Variants in PCDHGA11 observed in about 807,000 individuals in gnomAD.
PCDHGA11 encodes the protein protocadherin gamma-A11.
A neutral mutation model predicts 60.4 loss-of-function variants in PCDHGA11; 39 were observed. The ratio of observed to expected loss-of-function variants is 0.65; its 90% CI spans 0.50 to 0.84. The LOEUF (loss-of-function observed/expected upper bound fraction) is 0.84. Among genes scored for constraint, PCDHGA11 ranks in the 40% least tolerant of loss-of-function variants. The pLI, the probability that PCDHGA11 is intolerant of heterozygous loss-of-function variation, is 0.00. For missense variants in PCDHGA11, 1,165 were observed against 1,197.7 expected (o/e 0.97, Z 0.40); for synonymous variants, 533 against 510.3 (o/e 1.04, Z -0.60).
intron 3 of PCDHGA11, among the ~76,000 whole-genome samples, chr5:141,509,004 G>A (rs2099873761): frequency 6.6e-6 from 1 of 152,072 alleles, no homozygotes; most frequent in South Asian, 2.1e-4. Context: ...AGGAGAGGAG[G>A]AAGTGGGCAG....
Position 141,422,088 on chromosome 5 carries a change from CA to C in PCDHGA11, c.863del (p.Lys288ArgfsTer48), listed in dbSNP as rs1235447839. ...TGTATTCATTTCGGAACATGGAAAG[CA>C]AGGCTTCTGAAATATTCCAATTGGA... ...VMYSFRNMES[K>X]ASEIFQLDSQ... On this transcript the variant is annotated frameshift_variant, in exon 1 of 4. Transcript: ENST00000398587. LOFTEE classifies it high-confidence loss of function. 2 of 1,611,912 alleles carry C rather than the reference CA, an allele frequency of 1.2e-6. No individual in the cohort carries two copies. The highest frequency in any genetic ancestry group is 1.7e-6 in the Non-Finnish European group (2 of 1,179,298).
Position 141,478,507 on chromosome 5 carries a change from T to C in PCDHGA11, c.2434-16300T>C, listed in dbSNP as rs781120326. The C allele has an allele frequency of 4.3e-6, 7 of 1,612,048 alleles. No homozygotes were observed. In the East Asian group the frequency reaches 1.3e-4, roughly 31 times the overall value. On this transcript the variant is annotated intron_variant, in intron 1 of 3. Transcript: ENST00000398587. The stretch of plus-strand genomic sequence containing the variant: ...TGCGGAGCTGTGATCCGGTGTTCTA[T>C]AGGCAGGTGTTGGGTGCAGAGAGCG...
intron 3 of PCDHGA11, among the ~76,000 whole-genome samples, chr5:141,508,579 G>A (rs569867127): frequency 6.6e-6 from 1 of 152,234 alleles, no homozygotes; most frequent in East Asian, 1.9e-4. Flanking sequence ...ACCCACTCGG[G>A]GTGCTACTCA....
chr5:141,471,972 T>C (rs952480654), intron 1 of PCDHGA11, among the ~76,000 whole-genome samples: 1 of 152,212 alleles, frequency 6.6e-6, no homozygotes, highest in South Asian at 2.1e-4. Context: ...GTTGCATTAC[T>C]GTATAAATTT....
intron 2 of PCDHGA11, among the ~76,000 whole-genome samples, chr5:141,499,868 A>G (rs2099794957): frequency 6.6e-6 from 1 of 152,024 alleles, no homozygotes; most frequent in Non-Finnish European, 1.5e-5. Context: ...TTGTATTTTC[A>G]GTACAAACAG....
Position 141,432,093 on chromosome 5 carries a change from C to G in PCDHGA11, c.2433+8433C>G. On this transcript the variant is annotated intron_variant, in intron 1 of 3. Coordinates refer to ENST00000398587, the MANE Select transcript of PCDHGA11 (RefSeq NM_018914.3). This position sits in a 1 kb window ranked among gnomAD's most constrained non-coding sequence, Gnocchi z 6.0. ...CATATCTCGCTGAACGTGGCAGACA[C>G]CAACGACAACCCGCCGGTCTTCCCT... 1 of 1,614,170 alleles carries G rather than the reference C, an allele frequency of 6.2e-7. No individual in the cohort carries two copies. The highest frequency in any genetic ancestry group is 8.5e-7 in the Non-Finnish European group (1 of 1,180,046).
chr5:141,485,601 G>T lies in PCDHGA11; in HGVS notation c.2434-9206G>T, dbSNP rs762783104. On this transcript the variant is annotated intron_variant, in intron 1 of 3. Transcript: ENST00000398587. The surrounding 1 kb of genome is among the most constrained non-coding windows in gnomAD (Gnocchi z 5.7). ...CGGCAGCAGCTGGACTTGGAAATTG[G>T]GGAGGCAGCTCCTCCAGGACAGCGT... The T allele has an allele frequency of 3.1e-6, 5 of 1,612,290 alleles. No individual in the cohort carries two copies. Among genetic ancestry groups the T allele is most frequent in the Non-Finnish European group, 4.2e-6 (5 of 1,178,722 alleles).
rs778561065 is a variant in PCDHGA11, at chr5:141,423,102, C to A, written c.1875C>A (p.Gly625=). The A allele has an allele frequency of 1.2e-6, 2 of 1,613,802 alleles. No homozygotes were observed. The highest frequency in any genetic ancestry group is 1.7e-6 in the Non-Finnish European group (2 of 1,180,004). The change falls in exon 1 of 4, where the codon GGC becomes GGA. Residue 625 remains glycine (G), a synonymous_variant. Coordinates refer to ENST00000398587, the MANE Select transcript of PCDHGA11 (RefSeq NM_018914.3). ...PGLFAVGEHT[G]EVRTARALLD... is the part of the protein sequence containing the mutation. Reference sequence around the variant, plus strand: ...TCTTCGCGGTGGGGGAGCACACGGGCGAGGTGCGTACAGCGCGGGCACTGC... The same window carrying A: ...TCTTCGCGGTGGGGGAGCACACGGGAGAGGTGCGTACAGCGCGGGCACTGC...
At chr5:141,481,913 C>CAA (rs34114744) in intron 1 of PCDHGA11, among the ~76,000 whole-genome samples, 26 of 90,736 alleles carry the variant, frequency 2.9e-4, no homozygotes, top group Non-Finnish European at 3.5e-4. Context: ...AACTCCATCT[C>CAA]AAAAAAAAAA....
rs780541121 is a variant in PCDHGA11 at position 141,477,533 on chromosome 5, G to T, written c.2434-17274G>T. ...TTACATTGAAGAAAACAACCTCCCCGGGGCTCCAATACTAAACCTAAGTGT... is the reference window on the plus strand; with the variant it reads ...TTACATTGAAGAAAACAACCTCCCCTGGGCTCCAATACTAAACCTAAGTGT... On this transcript the variant is annotated intron_variant, in intron 1 of 3. Coordinates refer to ENST00000398587, the MANE Select transcript of PCDHGA11 (RefSeq NM_018914.3). This position sits in a 1 kb window ranked among gnomAD's most constrained non-coding sequence, Gnocchi z 4.9. 6.2e-7 allele frequency: 1 copy of T among 1,614,010 alleles called. No homozygotes were observed. The highest frequency in any genetic ancestry group is 1.1e-5 in the South Asian group (1 of 91,066).
At chr5:141,473,750 G>A (rs777343462) in intron 1 of PCDHGA11, among the ~76,000 whole-genome samples, 3 of 152,192 alleles carry the variant, frequency 2.0e-5, no homozygotes, top group Non-Finnish European at 4.4e-5. Context: ...TGAGAACTTG[G>A]ATACTATGCA....
At chr5:141,444,507 G>C (rs1213059531) in intron 1 of PCDHGA11, among the ~76,000 whole-genome samples, 1 of 152,068 alleles carries the variant, frequency 6.6e-6, no homozygotes, top group Non-Finnish European at 1.5e-5. Context: ...CTTTGCTCTA[G>C]CAGTATAGTA....
At chr5:141,499,272 GT>G (rs772636179) in intron 2 of PCDHGA11, among the ~76,000 whole-genome samples, 3 of 152,122 alleles carry the variant, frequency 2.0e-5, no homozygotes, top group Non-Finnish European at 4.4e-5. Flanking sequence ...TCCCTAGACT[GT>G]TCTCTGATGG....
Position 141,422,005 on chromosome 5 carries a change from A to G in PCDHGA11, c.778A>G (p.Thr260Ala), listed in dbSNP as rs2154549470. ...TGTTCCAGAAAACATCAGCTCCGGA[A>G]CTCGGGTGCTGATGGTTAATGCAAC... Reference protein sequence around the residue: ...VSVPENISSGTRVLMVNATDP... With the variant: ...VSVPENISSGARVLMVNATDP... The change falls in exon 1 of 4, where the codon ACT becomes GCT. Residue 260 changes from threonine to alanine, a missense_variant. Coordinates refer to ENST00000398587, the MANE Select transcript of PCDHGA11 (RefSeq NM_018914.3). 1 of 1,609,814 alleles carries G rather than the reference A, an allele frequency of 6.2e-7. No homozygotes were observed. The highest frequency in any genetic ancestry group is 1.7e-4 in the Middle Eastern group (1 of 6,026).
chr5:141,422,162 A>T lies in PCDHGA11; in HGVS notation c.935A>T (p.Lys312Ile). 6.4e-7 allele frequency: 1 copy of T among 1,571,230 alleles called. No individual in the cohort carries two copies. The highest frequency in any genetic ancestry group is 8.6e-7 in the Non-Finnish European group (1 of 1,164,112). Residue 312 changes from lysine to isoleucine, a missense_variant, in exon 1 of 4, where the codon AAA becomes ATA. Physicochemically the swap from Lys to Ile is moderately radical, Grantham distance 102. Transcript: ENST00000398587. ...GTACGGGGGTCTCTGGATTTTGAAAAATATAGATTCTATGAGATGGAAATT... is the reference window on the plus strand; with the variant it reads ...GTACGGGGGTCTCTGGATTTTGAAATATATAGATTCTATGAGATGGAAATT... ...VQVRGSLDFE[K>I]YRFYEMEIQG...
chr5:141,470,622 A>G (rs1323376824), intron 1 of PCDHGA11, among the ~76,000 whole-genome samples: 6 of 152,336 alleles, frequency 3.9e-5, no homozygotes, highest in Admixed American at 6.5e-5. Flanking sequence ...CTTCATGCTT[A>G]GATAGGCCCC....
chr5:141,423,865 T>G, intron 1 of PCDHGA11: 1 of 1,285,992 alleles, frequency 7.8e-7, no homozygotes, highest in Non-Finnish European at 9.9e-7. Flanking sequence ...TTTGTGAAAG[T>G]CATTTTTCAA....
rs768206517 is a variant in PCDHGA11 at position 141,432,482 on chromosome 5, G to C, written c.2433+8822G>C. 6.2e-7 allele frequency: 1 copy of C among 1,614,178 alleles called. No individual in the cohort carries two copies. Among genetic ancestry groups the C allele is most frequent in the South Asian group, 1.1e-5 (1 of 91,074 alleles). ...CCTCCCCACGGACGGTTCCACTGGC[G>C]TGGAGCTGGCTCCCCGCTCCGCAGA... On this transcript the variant is annotated intron_variant, in intron 1 of 3. Coordinates refer to ENST00000398587, the MANE Select transcript of PCDHGA11 (RefSeq NM_018914.3). The surrounding 1 kb of genome is among the most constrained non-coding windows in gnomAD (Gnocchi z 6.0).
At position 141,489,258 on chromosome 5, in the gene PCDHGA11, C is replaced by T. The variant is rs1594800449; in HGVS notation, c.2434-5549C>T. 3.2e-6 allele frequency: 5 copies of T among 1,551,530 alleles called. No individual in the cohort carries two copies. Among genetic ancestry groups the T allele is most frequent in the African/African-American group, 1.4e-5 (1 of 73,276 alleles). On this transcript the variant is annotated intron_variant, in intron 1 of 3. Coordinates refer to ENST00000398587, the MANE Select transcript of PCDHGA11 (RefSeq NM_018914.3). This position sits in a 1 kb window ranked among gnomAD's most constrained non-coding sequence, Gnocchi z 4.5. Reference sequence around the variant, plus strand: ...TCTGGGTCATGGGGCCCAAGACACTCCCACAGCTCGCTGGGAAATGGCAAG... The same window carrying T: ...TCTGGGTCATGGGGCCCAAGACACTTCCACAGCTCGCTGGGAAATGGCAAG...
Sources: allele counts gnomAD v4.1 joint callset (sites outside exome capture counted in the v4.1 genomes callset), GRCh38; gene constraint gnomAD v4.1.1; non-coding constraint Gnocchi (gnomAD v3.1); transcripts MANE v1.5; gene names NCBI Gene and HGNC (gene_info 2026-07-23, HGNC 2026-07-21).